RASGRF2: variants seen among roughly 807,000 people sequenced by gnomAD.
RASGRF2 encodes the protein ras-specific guanine nucleotide-releasing factor 2.
RASGRF2 carries 76 observed loss-of-function variants against 151.0 expected under a neutral mutation model. The ratio of observed to expected loss-of-function variants is 0.50; its 90% CI spans 0.42 to 0.61. The LOEUF (loss-of-function observed/expected upper bound fraction) is 0.61, where lower values mean the gene tolerates loss of function less well. Among genes scored for constraint, RASGRF2 ranks in the 20% least tolerant of loss-of-function variants. RASGRF2 has a pLI of 0.00. For missense variants in RASGRF2, 1,148 were observed against 1,564.6 expected, an observed-to-expected ratio of 0.73 and a Z score of 4.49; for synonymous variants, 504 against 566.5, an observed-to-expected ratio of 0.89 and a Z score of 1.57.
intron 5 of RASGRF2, among the ~76,000 whole-genome samples, chr5:81,079,780 C>T (rs1337129997): frequency 6.6e-6 from 1 of 152,052 alleles, no homozygotes; most frequent in Non-Finnish European, 1.5e-5. Flanking sequence ...TCTAGAATCA[C>T]ATATGAAGAG....
chr5:81,037,736 C>T (rs768737398), intron 1 of RASGRF2, among the ~76,000 whole-genome samples: 4 of 152,122 alleles, frequency 2.6e-5, no homozygotes, highest in South Asian at 2.1e-4. Context: ...ATTGTGCTCT[C>T]GGAACATTTT....
intron 26 of RASGRF2, among the ~76,000 whole-genome samples, chr5:81,222,415 TC>T (rs1051767272): frequency 6.6e-6 from 1 of 152,204 alleles, no homozygotes; most frequent in African/African-American, 2.4e-5. Context: ...CCTATGTTCT[TC>T]CTTCTGTCTG....
intron 7 of RASGRF2, among the ~76,000 whole-genome samples, chr5:81,084,924 G>T (rs1219340573): frequency 1.3e-5 from 2 of 152,178 alleles, no homozygotes; most frequent in African/African-American, 4.8e-5. Context: ...CACCAATGGG[G>T]CAAGTTTGGG....
intron 17 of RASGRF2, among the ~76,000 whole-genome samples, chr5:81,176,158 T>C (rs1754769968): frequency 6.6e-6 from 1 of 152,214 alleles, no homozygotes; most frequent in Admixed American, 6.5e-5. Context: ...TCTTTAAAGC[T>C]ATGTGAACAA....
chr5:80,998,695 G>A (rs866495881), intron 1 of RASGRF2, among the ~76,000 whole-genome samples: 4 of 152,090 alleles, frequency 2.6e-5, no homozygotes, highest in South Asian at 2.1e-4. Context: ...TCTGCTGTGC[G>A]TTCTACACCC....
intron 15 of RASGRF2, among the ~76,000 whole-genome samples, chr5:81,115,602 C>T (rs1246235314): frequency 6.6e-6 from 1 of 152,132 alleles, no homozygotes. Flanking sequence ...CTCTCTTTCT[C>T]TCTTTTTATT....
rs1756075823 is a variant in RASGRF2, at chr5:81,229,884, G to C, written c.*4114G>C. ...TTGTGAGGACCAAATGGATTAGACT[G>C]TAAACTGCAAAGTGCTGTCCGCACA... On this transcript the variant is annotated 3_prime_UTR_variant, in exon 27 of 27. Transcript: ENST00000265080. 1 of 152,220 alleles carries C rather than the reference G, an allele frequency of 6.6e-6. No homozygotes were observed. The highest frequency in any genetic ancestry group is 6.5e-5 in the Admixed American group (1 of 15,280). The allele number at this position is 152,220 out of a possible 1,614,324, so 9.4% of individuals were successfully genotyped here.
At chr5:81,098,767 A>G (rs1369361143) in intron 12 of RASGRF2, among the ~76,000 whole-genome samples, 11 of 152,196 alleles carry the variant, frequency 7.2e-5, no homozygotes. Flanking sequence ...AGAAGCCTGT[A>G]TCTCAGCTGG....
At chr5:81,068,224 C>T (rs758206951) in intron 3 of RASGRF2, 45 bp downstream of exon 3, 8 of 1,578,464 alleles carry the variant, frequency 5.1e-6, no homozygotes, top group South Asian at 2.4e-5. Flanking sequence ...TCACGTTTAC[C>T]GTCATTTCCT....
rs1010403207 is a variant in RASGRF2, at chr5:80,960,961, C to G, written c.223C>G (p.Arg75Gly). 4 of 1,564,304 alleles carry G rather than the reference C, an allele frequency of 2.6e-6. No homozygotes were observed. Among genetic ancestry groups the G allele is most frequent in the Non-Finnish European group, 3.5e-6 (4 of 1,146,624 alleles). The change falls in exon 1 of 27, where the codon CGA (arginine) becomes GGA (glycine). Residue 75 changes from arginine (R) to glycine (G), a missense_variant. Arg to Gly is a moderately radical substitution (Grantham distance 125). Transcript: ENST00000265080. The surrounding 1 kb of genome is among the most constrained non-coding windows in gnomAD (Gnocchi z 5.5). ...MYLLEGCSCE[R>G]TPAPPRAGAG... ...CCTCCTGGAGGGCTGCAGCTGCGAA[C>G]GAACGCCCGCGCCACCCAGGGCCGG...
At chr5:81,186,364 T>C (rs1040798259) in intron 18 of RASGRF2, among the ~76,000 whole-genome samples, 1 of 152,140 alleles carries the variant, frequency 6.6e-6, no homozygotes, top group African/African-American at 2.4e-5. Flanking sequence ...TACCCCATGC[T>C]CTATTAGTTT....
At chr5:81,146,609 C>T (rs777360098) in intron 17 of RASGRF2, among the ~76,000 whole-genome samples, 1 of 152,042 alleles carries the variant, frequency 6.6e-6, no homozygotes, top group Admixed American at 6.6e-5. Context: ...TGACTAGAAC[C>T]GGGGCCAATG....
chr5:80,970,253 G>A (rs1747887569), intron 1 of RASGRF2, among the ~76,000 whole-genome samples: 1 of 152,210 alleles, frequency 6.6e-6, no homozygotes, highest in Non-Finnish European at 1.5e-5. Context: ...TTAATCAAGT[G>A]TGTAGTTGGC....
intron 1 of RASGRF2, among the ~76,000 whole-genome samples, chr5:80,968,806 C>T (rs1335297344): frequency 6.6e-6 from 1 of 152,058 alleles, no homozygotes; most frequent in Non-Finnish European, 1.5e-5. Flanking sequence ...TCCTCAGCCT[C>T]CCAAGTAGTT....
chr5:81,217,738 C>G (rs1755774051), intron 25 of RASGRF2, among the ~76,000 whole-genome samples: 2 of 149,436 alleles, frequency 1.3e-5, no homozygotes, highest in South Asian at 4.3e-4. Context: ...GCCTCATGCC[C>G]AGCTAATTTT....
At chr5:80,992,181 G>GCTACACACACACACACACACACAC (rs1748671372) in intron 1 of RASGRF2, among the ~76,000 whole-genome samples, 1 of 17,192 alleles carries the variant, frequency 5.8e-5, no homozygotes, top group Admixed American at 4.1e-4. Flanking sequence ...TGCACACACA[G>GCTACACACACACACACACACACAC]ATACACACAC....
intron 17 of RASGRF2, among the ~76,000 whole-genome samples, chr5:81,177,812 A>G (rs1754810087): frequency 6.6e-6 from 1 of 152,200 alleles, no homozygotes; most frequent in Admixed American, 6.5e-5. Context: ...ACTAAGTGAA[A>G]AGAGGAGTGA....
At chr5:81,154,361 C>T (rs1410222438) in intron 17 of RASGRF2, among the ~76,000 whole-genome samples, 2 of 152,126 alleles carry the variant, frequency 1.3e-5, no homozygotes, top group South Asian at 2.1e-4. Context: ...AGTGATCAGC[C>T]TCCCAAGTAG....
In RASGRF2 at chr5:81,123,775, C is replaced by A; in HGVS notation, c.2596+8C>A. On this transcript the variant is annotated splice_region_variant and intron_variant, in intron 16 of 26. Transcript: ENST00000265080. ...GCTATCGACAGCCTGGAGGTAAGAG[C>A]TCAAGAGGGACTCAGAAATAGAAAC... The A allele has an allele frequency of 6.2e-7, 1 of 1,610,004 alleles. No homozygotes were observed. Among genetic ancestry groups the A allele is most frequent in the Non-Finnish European group, 8.5e-7 (1 of 1,178,356 alleles).
Sources: gnomAD v4.1 joint callset for allele counts (sites outside exome capture counted in the v4.1 genomes callset) on GRCh38, gnomAD v4.1.1 for gene constraint, Gnocchi (gnomAD v3.1) non-coding constraint, MANE v1.5 for transcripts, NCBI Gene and HGNC (gene_info 2026-07-23, HGNC 2026-07-21) for gene names.